The following EYA3 variants were observed in gnomAD, a reference collection of about 807,000 sequenced individuals.
The protein encoded by EYA3 is protein phosphatase EYA3.
EYA3 carries 39 observed loss-of-function variants against 80.0 expected under a neutral mutation model. The ratio of observed to expected loss-of-function variants is 0.49; its 90% CI spans 0.38 to 0.64. The LOEUF (loss-of-function observed/expected upper bound fraction) is 0.64. Ranked by LOEUF, EYA3 falls within the 30% of genes least tolerant of loss-of-function variation. The pLI, the probability that EYA3 is intolerant of heterozygous loss-of-function variation, is 0.00. For synonymous variants in EYA3, 206 were observed against 232.8 expected, an observed-to-expected ratio of 0.88 and a Z score of 1.05; for missense variants, 523 against 676.1, an observed-to-expected ratio of 0.77 and a Z score of 2.51.
intron 3 of EYA3, 113 bp downstream of exon 3, chr1:28,048,270 C>A: frequency 3.3e-6 from 2 of 599,002 alleles, no homozygotes; most frequent in South Asian, 3.3e-5. Flanking sequence ...AATGTAACAG[C>A]TGATGGTAAG....
chr1:27,976,146 C>T (rs1386794643), intron 17 of EYA3, among the ~76,000 whole-genome samples: 4 of 152,068 alleles, frequency 2.6e-5, no homozygotes, highest in Non-Finnish European at 4.4e-5. Context: ...AAGAGGAAAC[C>T]GACTTGTTAT....
chr1:28,084,572 TA>T (rs1645552930), intron 1 of EYA3, among the ~76,000 whole-genome samples: 2 of 11,654 alleles, frequency 1.7e-4, no homozygotes, highest in South Asian at 2.3e-3. Flanking sequence ...TATATATATA[TA>T]TATATATATA....
chr1:28,032,722 G>C (rs1312208629), intron 6 of EYA3, among the ~76,000 whole-genome samples: 11 of 152,122 alleles, frequency 7.2e-5, no homozygotes, highest in African/African-American at 2.2e-4. Context: ...GGAAGAATAT[G>C]ATCAGTATTT....
intron 6 of EYA3, among the ~76,000 whole-genome samples, chr1:28,030,094 A>C (rs1378582485): frequency 6.6e-6 from 1 of 152,208 alleles, no homozygotes; most frequent in African/African-American, 2.4e-5. Context: ...CTGATAAACT[A>C]GGAGTGATTG....
intron 9 of EYA3, among the ~76,000 whole-genome samples, chr1:28,011,667 G>A (rs1641707354): frequency 6.6e-6 from 1 of 152,114 alleles, no homozygotes; most frequent in Non-Finnish European, 1.5e-5. Context: ...AATTCAGACT[G>A]GGAAACAGTA....
rs201041762 is a variant in EYA3, at chr1:28,073,103, TTATATA to T, written c.-68-15015_-68-15010del. On this transcript the variant is annotated intron_variant, in intron 1 of 17. Coordinates refer to ENST00000373871, the MANE Select transcript of EYA3 (RefSeq NM_001990.4). Reference sequence around the variant, plus strand: ...ATCCTTTTTGGGATTGATGAAACTATTATATATATATATATATATATATATTTTTTT... The same window carrying T: ...ATCCTTTTTGGGATTGATGAAACTATTATATATATATATATATATTTTTTT... 1.0e-3 allele frequency among the ~76,000 whole-genome samples: 38 copies of T among 37,748 alleles called. 4 individuals carry two copies. The highest frequency in any genetic ancestry group is 5.0e-3 in the African/African-American group (31 of 6,246). 24.8% of individuals were successfully genotyped at this position (37,748 alleles called of 152,430 possible).
intron 1 of EYA3, among the ~76,000 whole-genome samples, chr1:28,062,657 GGTGTGT>G (rs71027260): frequency 3.7e-4 from 52 of 141,624 alleles, no homozygotes; most frequent in African/African-American, 1.0e-3. Flanking sequence ...AATATATGTA[GGTGTGT>G]GTGTGTGTGT....
intron 2 of EYA3, among the ~76,000 whole-genome samples, chr1:28,052,194 G>A (rs971205776): frequency 5.9e-5 from 9 of 151,926 alleles, no homozygotes; most frequent in Admixed American, 3.9e-4. Context: ...TATGTTTAAC[G>A]GAGATGGGGT....
At chr1:28,050,238 G>A (rs1349025170) in intron 2 of EYA3, among the ~76,000 whole-genome samples, 1 of 147,990 alleles carries the variant, frequency 6.8e-6, no homozygotes, top group African/African-American at 2.5e-5. Context: ...TGTCACCCAG[G>A]CTGGAGTGCC....
At chr1:27,996,990 G>A (rs1640501893) in intron 13 of EYA3, among the ~76,000 whole-genome samples, 1 of 152,184 alleles carries the variant, frequency 6.6e-6, no homozygotes. Flanking sequence ...CTAAGATGCT[G>A]CAATTACAGG....
Position 28,084,717 on chromosome 1 carries a change from T to C in EYA3, c.-69+3807A>G, listed in dbSNP as rs187718750. 6.5e-3 allele frequency among the ~76,000 whole-genome samples: 950 copies of C among 145,480 alleles called. 14 individuals carry two copies. Among genetic ancestry groups the C allele is most frequent in the African/African-American group, 0.022 (891 of 39,628 alleles). On this transcript the variant is annotated intron_variant, in intron 1 of 17. Transcript: ENST00000373871. ...TCCGCCTCCCTGGTTCAAGCAATTC[T>C]CCTGCCTCAGTCTCCCGAGTAGCTG... is the stretch of plus-strand genomic sequence containing the variant.
intron 7 of EYA3, among the ~76,000 whole-genome samples, chr1:28,025,626 C>T (rs1642733585): frequency 1.3e-5 from 2 of 152,108 alleles, no homozygotes. Context: ...TAAATACCTG[C>T]AATTGTCATT....
chr1:28,024,543 G>C (rs911396843), intron 7 of EYA3, among the ~76,000 whole-genome samples: 1 of 151,940 alleles, frequency 6.6e-6, no homozygotes, highest in African/African-American at 2.4e-5. Flanking sequence ...TCTAATCCCA[G>C]CTACACGGGA....
intron 7 of EYA3, among the ~76,000 whole-genome samples, chr1:28,022,583 G>A (rs778751790): frequency 4.4e-4 from 67 of 152,244 alleles, no homozygotes; most frequent in Non-Finnish European, 4.6e-4. Flanking sequence ...TACAGATTAC[G>A]ACATACAGAA....
At chr1:28,083,840 G>C (rs554496913) in intron 1 of EYA3, among the ~76,000 whole-genome samples, 1 of 152,180 alleles carries the variant, frequency 6.6e-6, no homozygotes, top group African/African-American at 2.4e-5. Context: ...ATATCAGCCT[G>C]GTACAATATT....
In EYA3 at chr1:28,010,906, G is replaced by A. The variant is rs1557563480; in HGVS notation, c.909+41C>T. The A allele has an allele frequency of 3.1e-6, 5 of 1,589,406 alleles. No homozygotes were observed. The East Asian group carries it at 1.1e-4, about 36-fold the overall frequency. ...CATGTTTGATAAACTTAAGAAGTGA[G>A]AAAGAACAAAGTAGGTAACTAAATC... On this transcript the variant is annotated intron_variant, in intron 10 of 17. Transcript: ENST00000373871.
intron 10 of EYA3, among the ~76,000 whole-genome samples, chr1:28,008,736 C>A (rs1187977730): frequency 6.6e-6 from 1 of 151,834 alleles, no homozygotes; most frequent in Non-Finnish European, 1.5e-5. Context: ...CTGAGGTCAG[C>A]AGTTCAAGAC....
intron 1 of EYA3, among the ~76,000 whole-genome samples, chr1:28,079,328 G>A (rs72875058): frequency 0.022 from 3,285 of 152,204 alleles, 128 homozygotes; most frequent in African/African-American, 0.075. Context: ...ATCCACTGTC[G>A]CAAACCCTAA....
At chr1:28,078,600 C>T (rs985748701) in intron 1 of EYA3, among the ~76,000 whole-genome samples, 2 of 152,138 alleles carry the variant, frequency 1.3e-5, no homozygotes, top group African/African-American at 4.8e-5. Flanking sequence ...GGCTGAAGCG[C>T]AGTGGCATGA....
Sources: gnomAD v4.1 joint callset for allele counts (sites outside exome capture counted in the v4.1 genomes callset) on GRCh38, gnomAD v4.1.1 for gene constraint, MANE v1.5 for transcripts, NCBI Gene and HGNC (gene_info 2026-07-23, HGNC 2026-07-21) for gene names.